DOCK3: variants seen among roughly 807,000 people sequenced by gnomAD.
DOCK3 encodes dedicator of cytokinesis protein 3.
A neutral mutation model predicts 265.6 loss-of-function variants in DOCK3; 60 were observed. The observed-to-expected ratio is 0.23, with a 90% CI of 0.18 to 0.28. DOCK3 has a LOEUF of 0.28. DOCK3 is among the 10% of genes least tolerant of loss of function. The probability of loss-of-function intolerance (pLI) is 1.00; values close to 1 mark genes in which losing one functional copy is unlikely to be tolerated. For missense variants in DOCK3, 1,981 were observed against 2,594.3 expected, an observed-to-expected ratio of 0.76 and a Z score of 5.14; for synonymous variants, 881 against 938.0, an observed-to-expected ratio of 0.94 and a Z score of 1.11.
chr3:50,907,159 G>T (rs1448517889), intron 4 of DOCK3, among the ~76,000 whole-genome samples: 1 of 152,088 alleles, frequency 6.6e-6, no homozygotes, highest in South Asian at 2.1e-4. Flanking sequence ...ATTTCCTGAG[G>T]AGTGCTTTAC....
At chr3:50,731,719 G>A (rs1262941693) in intron 1 of DOCK3, among the ~76,000 whole-genome samples, 1 of 152,086 alleles carries the variant, frequency 6.6e-6, no homozygotes, top group African/African-American at 2.4e-5. Context: ...AACCTCCTCA[G>A]TCTAATAAGG....
chr3:51,251,334 T>C (rs1361025875), intron 22 of DOCK3, among the ~76,000 whole-genome samples: 2 of 152,162 alleles, frequency 1.3e-5, no homozygotes, highest in Non-Finnish European at 2.9e-5. Context: ...AACATACATG[T>C]GCATGTGTCT....
chr3:51,238,166 G>T (rs2078435146), intron 21 of DOCK3, among the ~76,000 whole-genome samples: 1 of 83,348 alleles, frequency 1.2e-5, no homozygotes, highest in Non-Finnish European at 2.1e-5. Flanking sequence ...TTTTTGAGAT[G>T]GAGTCTTGCT....
At chr3:50,878,198 C>G (rs2047813349) in intron 3 of DOCK3, among the ~76,000 whole-genome samples, 1 of 152,088 alleles carries the variant, frequency 6.6e-6, no homozygotes, top group Admixed American at 6.6e-5. Flanking sequence ...GCTGAAAATT[C>G]TAAAAATCAG....
At chr3:50,707,631 G>A (rs550392691) in intron 1 of DOCK3, among the ~76,000 whole-genome samples, 1 of 152,280 alleles carries the variant, frequency 6.6e-6, no homozygotes, top group South Asian at 2.1e-4. Context: ...AGATGGGCTG[G>A]TCCTTGGGCA....
chr3:50,825,043 AT>A (rs766283706), intron 2 of DOCK3, among the ~76,000 whole-genome samples: 7 of 152,236 alleles, frequency 4.6e-5, no homozygotes, highest in Admixed American at 2.0e-4. Context: ...GGCAGATTAT[AT>A]AATTATTTTA....
intron 12 of DOCK3, among the ~76,000 whole-genome samples, chr3:51,197,566 A>G (rs1204948462): frequency 6.6e-6 from 1 of 152,098 alleles, no homozygotes; most frequent in Non-Finnish European, 1.5e-5. Flanking sequence ...CAGGTGCCCA[A>G]AGTGGTTGTG....
In DOCK3 at chr3:51,381,794, A is replaced by G. The variant is rs782110929; in HGVS notation, c.*235A>G. The G allele has an allele frequency of 2.1e-6, 1 of 470,128 alleles. No homozygotes were observed. Among genetic ancestry groups the G allele is most frequent in the Non-Finnish European group, 3.6e-6 (1 of 274,780 alleles). The allele number at this position is 470,128 out of a possible 1,614,324, so 29.1% of individuals were successfully genotyped here. ...TTTATTTTTTTACATTTCCATTTCT[A>G]TGGGTTTTCCTTTCTTTCCTTTATG... On this transcript the variant is annotated 3_prime_UTR_variant, in exon 53 of 53. Transcript: ENST00000266037. This position sits in a 1 kb window ranked among gnomAD's most constrained non-coding sequence, Gnocchi z 5.6.
intron 14 of DOCK3, among the ~76,000 whole-genome samples, chr3:51,220,670 A>AAAT (rs1553797647): frequency 9.3e-6 from 1 of 108,086 alleles, no homozygotes; most frequent in Non-Finnish European, 1.7e-5. Context: ...AAAAAAAAAA[A>AAAT]ATATATATAT....
intron 7 of DOCK3, among the ~76,000 whole-genome samples, chr3:51,077,684 C>T (rs2082098900): frequency 6.6e-6 from 1 of 152,066 alleles, no homozygotes; most frequent in Non-Finnish European, 1.5e-5. Flanking sequence ...AATGGGAAAC[C>T]TTGTGGAAGA....
chr3:51,345,443 T>C (rs2085500139), intron 38 of DOCK3, among the ~76,000 whole-genome samples: 1 of 152,052 alleles, frequency 6.6e-6, no homozygotes, highest in Non-Finnish European at 1.5e-5. Flanking sequence ...AGACCCCATC[T>C]CTATAAAATA....
At chr3:51,178,975 G>A (rs1560168607) in intron 12 of DOCK3, among the ~76,000 whole-genome samples, 3 of 152,136 alleles carry the variant, frequency 2.0e-5, no homozygotes, top group Admixed American at 1.3e-4. Flanking sequence ...AAGCAGCCTG[G>A]TTAATAGACC....
chr3:50,977,905 C>G (rs1445001177), intron 5 of DOCK3, among the ~76,000 whole-genome samples: 1 of 151,996 alleles, frequency 6.6e-6, no homozygotes, highest in Non-Finnish European at 1.5e-5. Context: ...CATCTTCCAT[C>G]GCTGATACCC....
At chr3:51,319,396 TAAA>T (rs10709692) in intron 32 of DOCK3, among the ~76,000 whole-genome samples, 3 of 142,062 alleles carry the variant, frequency 2.1e-5, no homozygotes, top group Admixed American at 7.2e-5. Context: ...CAACACTTGA[TAAA>T]AAAAAAAAAA....
intron 3 of DOCK3, chr3:50,863,409 G>A (rs754456212): frequency 2.1e-5 from 11 of 519,776 alleles, no homozygotes; most frequent in Non-Finnish European, 3.5e-5. Context: ...GCATAGCTCT[G>A]GGTTACAAGG....
At chr3:51,046,093 A>G (rs1192509930) in intron 5 of DOCK3, among the ~76,000 whole-genome samples, 3 of 152,180 alleles carry the variant, frequency 2.0e-5, no homozygotes, top group Non-Finnish European at 4.4e-5. Flanking sequence ...AACCTGTCAT[A>G]GATTTTTAAA....
chr3:51,127,564 A>G (rs2084324161), intron 9 of DOCK3, among the ~76,000 whole-genome samples: 2 of 152,242 alleles, frequency 1.3e-5, no homozygotes, highest in South Asian at 2.1e-4. Context: ...ATGTCACATG[A>G]TAAAGGAGAA....
intron 21 of DOCK3, among the ~76,000 whole-genome samples, chr3:51,240,032 A>AT (rs1027337112): frequency 3.3e-5 from 5 of 152,106 alleles, no homozygotes; most frequent in African/African-American, 1.2e-4. Flanking sequence ...TTTAGTTGTG[A>AT]TGTTAGGCTG....
At chr3:50,928,063 A>G (rs1377774023) in intron 4 of DOCK3, among the ~76,000 whole-genome samples, 1 of 151,242 alleles carries the variant, frequency 6.6e-6, no homozygotes, top group Non-Finnish European at 1.5e-5. Flanking sequence ...TCTTTCTAAC[A>G]TGTATCCTCT....
Sources: allele counts gnomAD v4.1 joint callset (sites outside exome capture counted in the v4.1 genomes callset), GRCh38; gene constraint gnomAD v4.1.1; non-coding constraint Gnocchi (gnomAD v3.1); transcripts MANE v1.5; gene names NCBI Gene and HGNC (gene_info 2026-07-23, HGNC 2026-07-21).